AKR1C8: variants seen among roughly 807,000 people sequenced by gnomAD.
AKR1C8 encodes aldo-keto reductase family 1 member C-like protein 1.
At chr10:5,118,859 G>A in the AKR1C8 span, among the ~76,000 whole-genome samples, 2 of 151,830 alleles carry the variant, frequency 1.3e-5, no homozygotes, top group Non-Finnish European at 2.9e-5. Flanking sequence ...TTCTATTACT[G>A]GACAGTAAAC....
At chr10:5,179,022 T>C in the AKR1C8 span, among the ~76,000 whole-genome samples, 27 of 152,328 alleles carry the variant, frequency 1.8e-4, no homozygotes, top group South Asian at 1.2e-3. Flanking sequence ...CCTGTCATTA[T>C]GATGTTAGCT....
At chr10:5,128,676 TA>T in the AKR1C8 span, among the ~76,000 whole-genome samples, 47 of 150,392 alleles carry the variant, frequency 3.1e-4, no homozygotes, top group African/African-American at 1.0e-3. Context: ...CAACAGCAGT[TA>T]AAAAAAAAGA....
At chr10:5,173,215 A>AT in the AKR1C8 span, among the ~76,000 whole-genome samples, 2 of 152,196 alleles carry the variant, frequency 1.3e-5, no homozygotes. Context: ...GGGAAAAAAA[A>AT]CCTTTTCTAG....
chr10:5,120,126 G>A, the AKR1C8 span, among the ~76,000 whole-genome samples: 3 of 152,170 alleles, frequency 2.0e-5, no homozygotes, highest in Non-Finnish European at 4.4e-5. Flanking sequence ...ATCTTAAACC[G>A]CAAACAATAG....
At chr10:5,163,141 G>A in the AKR1C8 span, 1 of 402,092 alleles carries the variant, frequency 2.5e-6, no homozygotes, top group South Asian at 2.0e-5. Flanking sequence ...TGATGACACG[G>A]GTTTCAGTGA....
At chr10:5,155,781 T>G in the AKR1C8 span, 1 of 465,632 alleles carries the variant, frequency 2.1e-6, no homozygotes, top group South Asian at 1.6e-5. Context: ...AACACTCACA[T>G]TAACCCCTCC....
At chr10:5,184,014 C>G in the AKR1C8 span, among the ~76,000 whole-genome samples, 1 of 152,144 alleles carries the variant, frequency 6.6e-6, no homozygotes, top group Non-Finnish European at 1.5e-5. Flanking sequence ...TGGGCACTTT[C>G]CTTTCCTTTT....
At chr10:5,119,254 A>G in the AKR1C8 span, among the ~76,000 whole-genome samples, 2 of 152,238 alleles carry the variant, frequency 1.3e-5, no homozygotes, top group Non-Finnish European at 2.9e-5. Context: ...ACACCATGCC[A>G]GAACATGGGT....
chr10:5,127,058 G>A, the AKR1C8 span, among the ~76,000 whole-genome samples: 6 of 151,974 alleles, frequency 3.9e-5, no homozygotes, highest in African/African-American at 1.4e-4. Context: ...CCAAAACCCT[G>A]GGGTCACCCA....
At chr10:5,173,417 G>T in the AKR1C8 span, among the ~76,000 whole-genome samples, 1 of 152,124 alleles carries the variant, frequency 6.6e-6, no homozygotes, top group African/African-American at 2.4e-5. Flanking sequence ...AGGAGGAGTG[G>T]GGTTTGGGAC....
At chr10:5,127,901 T>C in the AKR1C8 span, among the ~76,000 whole-genome samples, 2 of 151,978 alleles carry the variant, frequency 1.3e-5, no homozygotes, top group Admixed American at 1.3e-4. Flanking sequence ...TGGCTAGAGA[T>C]TTAGATATCC....
At chr10:5,147,517 C>T in the AKR1C8 span, among the ~76,000 whole-genome samples, 24 of 151,740 alleles carry the variant, frequency 1.6e-4, no homozygotes, top group Admixed American at 1.6e-3. Flanking sequence ...CATTCCTTTT[C>T]CAGAAGGTAA....
chr10:5,137,549 CTG>C, the AKR1C8 span, among the ~76,000 whole-genome samples: 2 of 152,050 alleles, frequency 1.3e-5, no homozygotes, highest in African/African-American at 4.8e-5. Context: ...AAATTCAACC[CTG>C]CTTCATGCTA....
chr10:5,152,496 C>T, the AKR1C8 span, among the ~76,000 whole-genome samples: 1 of 152,178 alleles, frequency 6.6e-6, no homozygotes, highest in African/African-American at 2.4e-5. Flanking sequence ...CAAACTACAA[C>T]TCAGAAAAAT....
chr10:5,181,776 T>A, the AKR1C8 span, among the ~76,000 whole-genome samples: 1 of 152,228 alleles, frequency 6.6e-6, no homozygotes, highest in Admixed American at 6.5e-5. Flanking sequence ...AATTACTTTG[T>A]CAATCATATT....
At chr10:5,131,515 G>A in the AKR1C8 span, among the ~76,000 whole-genome samples, 1 of 151,988 alleles carries the variant, frequency 6.6e-6, no homozygotes, top group East Asian at 1.9e-4. Flanking sequence ...CCAAAAGTGG[G>A]CAAATGACAC....
the AKR1C8 span, among the ~76,000 whole-genome samples, chr10:5,156,565 C>T: frequency 2.3e-5 from 2 of 86,352 alleles, no homozygotes; most frequent in Non-Finnish European, 6.2e-5. Context: ...ATGTATTTAT[C>T]TCTTTCTCTA....
chr10:5,172,554 A>G, the AKR1C8 span, among the ~76,000 whole-genome samples: 1 of 152,048 alleles, frequency 6.6e-6, no homozygotes, highest in Non-Finnish European at 1.5e-5. Flanking sequence ...TACACAAGCA[A>G]AGATTATTTT....
At chr10:5,142,701 G>A in the AKR1C8 span, among the ~76,000 whole-genome samples, 1 of 151,950 alleles carries the variant, frequency 6.6e-6, no homozygotes, top group Non-Finnish European at 1.5e-5. Context: ...ATCTTATATG[G>A]GCACAGTTTA....
Sources: allele counts gnomAD v4.1 joint callset (sites outside exome capture counted in the v4.1 genomes callset), GRCh38; gene constraint gnomAD v4.1.1; transcripts MANE v1.5; gene names NCBI Gene and HGNC (gene_info 2026-07-23, HGNC 2026-07-21).